CLPB: variants seen among roughly 807,000 people sequenced by gnomAD.
CLPB encodes the protein mitochondrial disaggregase.
CLPB carries 40 observed loss-of-function variants against 78.4 expected under a neutral mutation model. The ratio of observed to expected loss-of-function variants is 0.51; its 90% CI spans 0.40 to 0.66. The LOEUF (loss-of-function observed/expected upper bound fraction) is 0.66. CLPB is among the 30% of genes least tolerant of loss of function. The pLI, the probability that CLPB is intolerant of heterozygous loss-of-function variation, is 0.00. For missense variants in CLPB, 780 were observed against 886.9 expected (o/e 0.88, Z 1.53); for synonymous variants, 333 against 348.0 (o/e 0.96, Z 0.48).
intron 4 of CLPB, 128 bp downstream of exon 4, chr11:72,380,153 G>A (rs1275359220): frequency 4.3e-6 from 3 of 698,992 alleles, no homozygotes; most frequent in Non-Finnish European, 7.6e-6. Flanking sequence ...GGGTCTCCAT[G>A]AGTCCACAGA....
At chr11:72,314,339 G>A (rs977459758) in intron 7 of CLPB, among the ~76,000 whole-genome samples, 2 of 152,144 alleles carry the variant, frequency 1.3e-5, no homozygotes, top group African/African-American at 4.8e-5. Context: ...GCCCAGGAGA[G>A]GCTTCTTAGA....
chr11:72,302,090 G>C (rs1949666596), intron 10 of CLPB, 126 bp from the exon 11 acceptor site: 4 of 1,111,840 alleles, frequency 3.6e-6, no homozygotes, highest in African/African-American at 3.1e-5. Flanking sequence ...ATGATTGGCT[G>C]TCCATCTCCT....
At chr11:72,382,766 C>T (rs1233580415) in intron 3 of CLPB, among the ~76,000 whole-genome samples, 1 of 152,186 alleles carries the variant, frequency 6.6e-6, no homozygotes, top group Non-Finnish European at 1.5e-5. Context: ...CCTACTTTTT[C>T]ACATGCTCAG....
At chr11:72,424,260 G>C (rs1027813253) in intron 2 of CLPB, among the ~76,000 whole-genome samples, 1 of 152,130 alleles carries the variant, frequency 6.6e-6, no homozygotes, top group Non-Finnish European at 1.5e-5. Context: ...GAGTATAGGC[G>C]CTCAGCCATA....
chr11:72,417,244 T>C (rs889486464), intron 2 of CLPB, among the ~76,000 whole-genome samples: 1 of 152,218 alleles, frequency 6.6e-6, no homozygotes, highest in Non-Finnish European at 1.5e-5. Context: ...ACAGGGAATA[T>C]TATTCAGCCA....
chr11:72,419,931 C>A (rs916804799), intron 2 of CLPB, among the ~76,000 whole-genome samples: 3 of 152,246 alleles, frequency 2.0e-5, no homozygotes, highest in Non-Finnish European at 2.9e-5. Context: ...CAGTGCCACA[C>A]ATAGTAGGCA....
At chr11:72,295,975 A>C (rs908722435) in intron 11 of CLPB, among the ~76,000 whole-genome samples, 1 of 152,128 alleles carries the variant, frequency 6.6e-6, no homozygotes, top group African/African-American at 2.4e-5. Context: ...TGCAACCAAC[A>C]CATTTTTTGG....
At chr11:72,372,089 G>A (rs1215588867) in intron 4 of CLPB, among the ~76,000 whole-genome samples, 1 of 152,156 alleles carries the variant, frequency 6.6e-6, no homozygotes, top group East Asian at 1.9e-4. Flanking sequence ...CTACAGATGC[G>A]AAAATCAAGC....
At chr11:72,297,704 A>T (rs1009301638) in intron 11 of CLPB, among the ~76,000 whole-genome samples, 13 of 106,576 alleles carry the variant, frequency 1.2e-4, no homozygotes, top group East Asian at 5.8e-4. Flanking sequence ...TGTGTGTGTG[A>T]CATGTCCAAG....
At chr11:72,336,729 G>A (rs926306399) in intron 5 of CLPB, 1 of 205,586 alleles carries the variant, frequency 4.9e-6, no homozygotes, top group East Asian at 1.1e-4. Context: ...CTGATTATGG[G>A]AAATCCTTCC....
At chr11:72,391,245 C>A (rs1855247641) in intron 3 of CLPB, among the ~76,000 whole-genome samples, 1 of 152,154 alleles carries the variant, frequency 6.6e-6, no homozygotes, top group Non-Finnish European at 1.5e-5. Context: ...CACCTGCTGT[C>A]CCCTCCTTCA....
chr11:72,382,301 C>G (rs1205934488), intron 3 of CLPB, among the ~76,000 whole-genome samples: 1 of 152,078 alleles, frequency 6.6e-6, no homozygotes, highest in Non-Finnish European at 1.5e-5. Flanking sequence ...GGGCCCGGGC[C>G]CAACCCCCAT....
chr11:72,338,800 C>T (rs1950367529), intron 5 of CLPB, among the ~76,000 whole-genome samples: 1 of 152,212 alleles, frequency 6.6e-6, no homozygotes, highest in Admixed American at 6.5e-5. Flanking sequence ...AGGATGGGTT[C>T]GCAGAAGCCA....
chr11:72,408,069 C>T (rs754413890), intron 2 of CLPB: 179 of 1,433,770 alleles, frequency 1.2e-4, no homozygotes, highest in Non-Finnish European at 1.6e-4. Flanking sequence ...GAGGCAGCAC[C>T]GAAATATAAA....
At chr11:72,393,304 T>C (rs1414150476) in intron 3 of CLPB, among the ~76,000 whole-genome samples, 1 of 152,164 alleles carries the variant, frequency 6.6e-6, no homozygotes, top group Non-Finnish European at 1.5e-5. Context: ...TCTAGGCAAA[T>C]GATCCAGAAC....
At chr11:72,339,641 T>C (rs1950382969) in intron 5 of CLPB, among the ~76,000 whole-genome samples, 1 of 152,232 alleles carries the variant, frequency 6.6e-6, no homozygotes, top group African/African-American at 2.4e-5. Context: ...TTTTGAGTCT[T>C]CTATGTGTTT....
chr11:72,335,795 T>C (rs956936345), intron 5 of CLPB, among the ~76,000 whole-genome samples: 4 of 152,208 alleles, frequency 2.6e-5, no homozygotes, highest in South Asian at 2.1e-4. Flanking sequence ...TGCCAGATGA[T>C]TGAACCGTAT....
At chr11:72,371,533 AAAAATAAAAT>A (rs5792587) in intron 4 of CLPB, among the ~76,000 whole-genome samples, 4,584 of 126,144 alleles carry the variant, frequency 0.036, 119 homozygotes, top group African/African-American at 0.056. Context: ...ACTCTGTCTC[AAAAATAAAAT>A]AAAATAAAAT....
chr11:72,349,400 T>A (rs1230449257), intron 5 of CLPB, among the ~76,000 whole-genome samples: 1 of 152,080 alleles, frequency 6.6e-6, no homozygotes, highest in Non-Finnish European at 1.5e-5. Flanking sequence ...CAGGAAGGAG[T>A]CTGTGGTCCA....
Sources: gnomAD v4.1 joint callset for allele counts (sites outside exome capture counted in the v4.1 genomes callset) on GRCh38, gnomAD v4.1.1 for gene constraint, MANE v1.5 for transcripts, NCBI Gene and HGNC (gene_info 2026-07-23, HGNC 2026-07-21) for gene names.